Variants in CGRRF1 observed in about 807,000 individuals in gnomAD.
CGRRF1 encodes cell growth regulator with RING finger domain protein 1.
CGRRF1 carries 32 observed loss-of-function variants against 37.2 expected under a neutral mutation model. The ratio of observed to expected loss-of-function variants is 0.86; its 90% confidence interval spans 0.65 to 1.16. CGRRF1 has a LOEUF of 1.16. CGRRF1 is among the 50% of genes most tolerant of loss of function. The probability of loss-of-function intolerance (pLI) is 0.00; values close to 1 mark genes in which losing one functional copy is unlikely to be tolerated. For synonymous variants in CGRRF1, 141 were observed against 140.3 expected, an observed-to-expected ratio of 1.00 and a Z score of -0.04; for missense variants, 391 against 382.6, an observed-to-expected ratio of 1.02 and a Z score of -0.18.
chr14:54,530,635 G>A (rs974904059), intron 3 of CGRRF1: 22 of 846,236 alleles, frequency 2.6e-5, no homozygotes, highest in Admixed American at 2.4e-4. Context: ...GACTTCTTAC[G>A]GATAAAGTGT....
chr14:54,527,272 T>G (rs2032428091), intron 2 of CGRRF1, among the ~76,000 whole-genome samples: 1 of 152,166 alleles, frequency 6.6e-6, no homozygotes, highest in African/African-American at 2.4e-5. Flanking sequence ...GTACTGACAC[T>G]GTCTTCAGAT....
At chr14:54,519,082 A>G (rs928142025) in intron 1 of CGRRF1, among the ~76,000 whole-genome samples, 1 of 152,078 alleles carries the variant, frequency 6.6e-6, no homozygotes, top group Non-Finnish European at 1.5e-5. Flanking sequence ...AGCTGGGATT[A>G]CAGGCATGCA....
chr14:54,524,855 A>G (rs927987783), intron 2 of CGRRF1, among the ~76,000 whole-genome samples: 2 of 152,146 alleles, frequency 1.3e-5, no homozygotes, highest in African/African-American at 4.8e-5. Flanking sequence ...AAATTTTGAG[A>G]TATGACACAG....
At position 54,538,639 on chromosome 14, in the gene CGRRF1, A is replaced by G. The variant is rs1428855973; in HGVS notation, c.*256A>G. ...GAATCTAAGAGTTTGGCCTTTTATT[A>G]GCTAGATTTCCTCTCATGTTAATTA... On this transcript the variant is annotated 3_prime_UTR_variant, in exon 6 of 6. Transcript: ENST00000216420. 1 of 287,866 alleles carries G rather than the reference A, an allele frequency of 3.5e-6. No homozygotes were observed. The allele number at this position is 287,866 out of a possible 1,614,324, so 17.8% of individuals were successfully genotyped here. A position where few individuals can be genotyped will look rare whatever the true frequency, so the allele number is the denominator to read the frequency against.
intron 1 of CGRRF1, among the ~76,000 whole-genome samples, chr14:54,510,559 T>TA (rs2140051298): frequency 6.6e-6 from 1 of 152,348 alleles, no homozygotes; most frequent in South Asian, 2.1e-4. Flanking sequence ...ACTGAACTGT[T>TA]ACCGTTTGAG....
At position 54,522,549 on chromosome 14, in the gene CGRRF1, C is replaced by T; in HGVS notation, c.200C>T (p.Pro67Leu). The change falls in exon 2 of 6, where the codon CCT becomes CTT. Residue 67 changes from proline (P) to leucine (L), a missense_variant. By Grantham distance (98) the Pro-to-Leu change is moderately conservative. Transcript: ENST00000216420. ...FKKQMRQVKN[P>L]FGLEITNPSS... The stretch of plus-strand genomic sequence containing the variant: ...AAGCAAATGAGACAAGTCAAGAATC[C>T]TTTTGGCTTAGAGATCACTAATCCA... The T allele has an allele frequency of 6.2e-7, 1 of 1,604,428 alleles. No individual in the cohort carries two copies. Among genetic ancestry groups the T allele is most frequent in the Non-Finnish European group, 8.5e-7 (1 of 1,176,528 alleles).
intron 4 of CGRRF1, among the ~76,000 whole-genome samples, chr14:54,533,252 C>T (rs556292113): frequency 1.3e-5 from 2 of 152,216 alleles, no homozygotes; most frequent in East Asian, 3.9e-4. Context: ...GAAGAGTTTG[C>T]TCTCAGGTCC....
intron 2 of CGRRF1, among the ~76,000 whole-genome samples, chr14:54,528,228 TAA>T (rs2032446868): frequency 6.7e-6 from 1 of 149,840 alleles, no homozygotes; most frequent in South Asian, 2.1e-4. Flanking sequence ...TTTTTTTTTT[TAA>T]GAGACAGAGT....
At chr14:54,512,252 A>AC (rs1478165378) in intron 1 of CGRRF1, among the ~76,000 whole-genome samples, 1 of 152,068 alleles carries the variant, frequency 6.6e-6, no homozygotes, top group Non-Finnish European at 1.5e-5. Context: ...ACTGTTTGCC[A>AC]TGTCTGCCTG....
In CGRRF1 at chr14:54,530,197, T is replaced by C. The variant is rs914861684; in HGVS notation, c.393T>C (p.Tyr131=). The part of the protein sequence containing the change: ...STPQALEDAL[Y]SEYLYQEQYF... ...CCCAAGCATTAGAAGATGCTCTGTA[T>C]AGTGAATATCTCTATCAGGAACAGT... The change falls in exon 3 of 6, where the codon TAT becomes TAC. Residue 131 remains tyrosine, a synonymous_variant. Transcript: ENST00000216420. 1 of 1,605,222 alleles carries C rather than the reference T, an allele frequency of 6.2e-7. No individual in the cohort carries two copies. The highest frequency in any genetic ancestry group is 2.3e-5 in the East Asian group (1 of 44,342).
chr14:54,530,346 C>G, intron 3 of CGRRF1, 120 bp downstream of exon 3: 1 of 1,294,020 alleles, frequency 7.7e-7, no homozygotes, highest in East Asian at 2.3e-5. Context: ...TCAGAATAAG[C>G]ACTCCTCAAG....
chr14:54,535,682 G>T (rs1056342030), intron 4 of CGRRF1, among the ~76,000 whole-genome samples: 3 of 151,834 alleles, frequency 2.0e-5, no homozygotes, highest in Non-Finnish European at 2.9e-5. Context: ...AAATTTTTTT[G>T]TCCTAGATTT....
intron 1 of CGRRF1, chr14:54,510,390 T>C: frequency 2.8e-6 from 1 of 354,318 alleles, no homozygotes; most frequent in Non-Finnish European, 5.3e-6. Flanking sequence ...AGAAAGTGCT[T>C]CTCTAGTAGG....
intron 4 of CGRRF1, among the ~76,000 whole-genome samples, chr14:54,531,915 A>C (rs1371741367): frequency 6.6e-6 from 1 of 152,222 alleles, no homozygotes; most frequent in Non-Finnish European, 1.5e-5. Flanking sequence ...TAGATTATTC[A>C]TTAATAAACA....
rs772218060 is a variant in CGRRF1, at chr14:54,510,012, T to G, written c.53T>G (p.Ile18Ser). Residue 18 changes from isoleucine to serine, a missense_variant, in exon 1 of 6, where the codon ATC becomes AGC. Ile to Ser is a moderately radical substitution (Grantham distance 142, BLOSUM62 -2). Coordinates refer to ENST00000216420, the MANE Select transcript of CGRRF1 (RefSeq NM_006568.3). ...TLYEYSPLFY[I>S]AVVFTCFIVT... Reference sequence around the variant, plus strand: ...TATGAATACTCGCCGCTTTTCTACATCGCGGTGGTCTTTACCTGCTTCATC... The same window carrying G: ...TATGAATACTCGCCGCTTTTCTACAGCGCGGTGGTCTTTACCTGCTTCATC... 17 of 1,613,860 alleles carry G rather than the reference T, an allele frequency of 1.1e-5. No individual in the cohort carries two copies. In the East Asian group the frequency reaches 2.9e-4, roughly 27 times the overall value.
chr14:54,510,127 G>C (rs940299457), intron 1 of CGRRF1, 64 bp downstream of exon 1: 3 of 1,276,638 alleles, frequency 2.3e-6, no homozygotes, highest in Non-Finnish European at 3.4e-6. Flanking sequence ...GCGACGAGCA[G>C]CAGGGGGCAC....
At chr14:54,516,804 C>G (rs2032225619) in intron 1 of CGRRF1, among the ~76,000 whole-genome samples, 1 of 152,170 alleles carries the variant, frequency 6.6e-6, no homozygotes. Context: ...ACATGGCTGA[C>G]TAAAAGTTGG....
intron 1 of CGRRF1, among the ~76,000 whole-genome samples, chr14:54,518,563 G>GA (rs113145191): frequency 0.039 from 5,609 of 144,132 alleles, 230 homozygotes; most frequent in East Asian, 0.1. Flanking sequence ...AAAAAAAAAA[G>GA]AAAAAAAAAA....
intron 1 of CGRRF1, among the ~76,000 whole-genome samples, chr14:54,510,577 TG>T (rs1179476808): frequency 1.3e-5 from 2 of 152,244 alleles, no homozygotes; most frequent in African/African-American, 4.8e-5. Context: ...GAGAATTTAA[TG>T]GTTTCTGTAT....
Sources: gnomAD v4.1 joint callset for allele counts (sites outside exome capture counted in the v4.1 genomes callset) on GRCh38, gnomAD v4.1.1 for gene constraint, MANE v1.5 for transcripts, NCBI Gene and HGNC (gene_info 2026-07-23, HGNC 2026-07-21) for gene names.